Variants in OASL observed in about 807,000 individuals in gnomAD.
OASL encodes 2'-5'-oligoadenylate synthetase like.
In OASL, 28 loss-of-function variants were observed where a neutral mutation model predicts 35.3. The ratio of observed to expected loss-of-function variants is 0.79; its 90% CI spans 0.59 to 1.09. The LOEUF is 1.09. Ranked by LOEUF, OASL falls within the 50% of genes least tolerant of loss-of-function variation. The probability of loss-of-function intolerance (pLI) is 0.00; values close to 1 mark genes in which losing one functional copy is unlikely to be tolerated. For missense variants in OASL, 620 were observed against 635.2 expected (o/e 0.98, Z 0.26); for synonymous variants, 252 against 254.6 (o/e 0.99, Z 0.10).
chr12:121,027,805 T>C (rs765960323), exon 4 of OASL: 1 of 1,613,726 alleles, frequency 6.2e-7, no homozygotes, highest in East Asian at 2.2e-5. Flanking sequence ...CTGGGGGACC[T>C]GGCTTTCACA....
chr12:121,037,889 G>A (rs978611593), intron 1 of OASL, among the ~76,000 whole-genome samples: 7 of 152,008 alleles, frequency 4.6e-5, no homozygotes, highest in Admixed American at 3.3e-4. Flanking sequence ...CCAGGAGTTC[G>A]AGACCAGCAT....
rs775737673 is a variant in OASL at position 121,027,845 on chromosome 12, G to C, written c.658-28C>G. 1.9e-6 allele frequency: 3 copies of C among 1,587,514 alleles called. No individual in the cohort carries two copies. In the South Asian group the frequency reaches 3.3e-5, roughly 18 times the overall value. ...GTTGAAAGAGATGGGAAGACAGAGA[G>C]AGAGAGACCCTAAGATTCTGTGTAA... On this transcript the variant is annotated intron_variant, in intron 3 of 5. Coordinates refer to ENST00000257570, the Ensembl canonical transcript of OASL.
rs1592930568 is a variant in OASL at position 121,020,765 on chromosome 12, G to A, written c.1341C>T (p.Ala447=). The change falls in exon 6 of 6, where the codon GCC becomes GCT. Residue 447 remains alanine, a synonymous_variant. Coordinates refer to ENST00000257570, the Ensembl canonical transcript of OASL. ...TGAAGCTGTTGGGGTTGATGGCATA[G>A]GCGTAGCTCCCACCATCAGGATTCT... 9 of 1,614,106 alleles carry A rather than the reference G, an allele frequency of 5.6e-6. No individual in the cohort carries two copies. In the East Asian group the frequency reaches 1.6e-4, roughly 28 times the overall value.
At chr12:121,030,914 T>A (rs1006692077) in intron 3 of OASL, among the ~76,000 whole-genome samples, 2 of 151,986 alleles carry the variant, frequency 1.3e-5, no homozygotes, top group Non-Finnish European at 2.9e-5. Flanking sequence ...GGTGGGAGGA[T>A]CGCTTGAGAC....
At chr12:121,020,602 G>A in exon 6 of OASL, 1 of 1,611,572 alleles carries the variant, frequency 6.2e-7, no homozygotes, top group Non-Finnish European at 8.5e-7. Context: ...TTCTTCGAGA[G>A]GATGAGAGTG....
At chr12:121,033,792 G>C in intron 1 of OASL, 49 bp from the exon 2 acceptor site, 8 of 1,586,186 alleles carry the variant, frequency 5.0e-6, no homozygotes, top group Non-Finnish European at 6.9e-6. Context: ...CCATGAGCCA[G>C]GCAACCCCTG....
In OASL at chr12:121,020,970, A is replaced by T; in HGVS notation, c.1136T>A (p.Val379Asp). ...CCTGGTCCTCCGGATTTTCTCTTTA[A>T]CCTTCCTTATGGGCTCATAAGGGTT... Residue 379 changes from valine (V) to aspartate (D), a missense_variant, in exon 6 of 6, where the codon GTT becomes GAT. By Grantham distance (152) the Val-to-Asp change is radical. Coordinates refer to ENST00000257570, the Ensembl canonical transcript of OASL. 6.2e-7 allele frequency: 1 copy of T among 1,613,866 alleles called. No individual in the cohort carries two copies. Among genetic ancestry groups the T allele is most frequent in the Non-Finnish European group, 8.5e-7 (1 of 1,179,972 alleles).
intron 2 of OASL, among the ~76,000 whole-genome samples, chr12:121,032,149 C>T (rs1273165601): frequency 5.9e-5 from 9 of 152,066 alleles, no homozygotes; most frequent in South Asian, 4.1e-4. Flanking sequence ...GCCGAGATCA[C>T]GGCACTGCAC....
At chr12:121,027,347 G>A (rs553507770) in intron 4 of OASL, among the ~76,000 whole-genome samples, 2 of 152,172 alleles carry the variant, frequency 1.3e-5, no homozygotes, top group African/African-American at 4.8e-5. Flanking sequence ...TAAGGTGGAG[G>A]GTGGCTTAGG....
exon 6 of OASL, chr12:121,020,536 G>A (rs1869184423): frequency 1.9e-6 from 3 of 1,577,516 alleles, no homozygotes; most frequent in African/African-American, 2.7e-5. Flanking sequence ...TGGCAGAAAT[G>A]TACAGAGAAG....
At chr12:121,030,135 A>G (rs181050289) in intron 3 of OASL, among the ~76,000 whole-genome samples, 42 of 152,292 alleles carry the variant, frequency 2.8e-4, no homozygotes, top group Admixed American at 2.7e-3. Flanking sequence ...TCAGCCTCCT[A>G]AAGTGCTGAA....
intron 1 of OASL, among the ~76,000 whole-genome samples, chr12:121,034,732 G>T (rs938033434): frequency 6.6e-6 from 1 of 152,104 alleles, no homozygotes; most frequent in African/African-American, 2.4e-5. Flanking sequence ...TGAAAGTAAT[G>T]TTGGAACAAG....
chr12:121,026,194 G>C (rs1869477615), intron 4 of OASL, among the ~76,000 whole-genome samples: 1 of 152,328 alleles, frequency 6.6e-6, no homozygotes, highest in African/African-American at 2.4e-5. Context: ...GAGTGACAGA[G>C]AGAGAGAGGG....
At chr12:121,027,679 G>A in exon 4 of OASL, 1 of 1,614,206 alleles carries the variant, frequency 6.2e-7, no homozygotes, top group Non-Finnish European at 8.5e-7. Flanking sequence ...TCCAGGAGCA[G>A]GTCCATCACA....
At chr12:121,018,451 C>T (rs1379653333), downstream of OASL, among the ~76,000 whole-genome samples, 3 of 147,442 alleles carry the variant, frequency 2.0e-5, no homozygotes, top group East Asian at 2.2e-4. Context: ...GCCTTGGGAC[C>T]GGGCCCAAGG....
chr12:121,031,472 G>A, exon 3 of OASL: 1 of 1,613,866 alleles, frequency 6.2e-7, no homozygotes, highest in Non-Finnish European at 8.5e-7. Flanking sequence ...CCAGGCGCAG[G>A]AGGCTCTTCA....
chr12:121,030,306 A>G (rs995441908), intron 3 of OASL, among the ~76,000 whole-genome samples: 1 of 151,760 alleles, frequency 6.6e-6, no homozygotes, highest in Non-Finnish European at 1.5e-5. Context: ...CTGGGTTCAC[A>G]CCATTCTCCT....
chr12:121,032,172 G>A (rs1232992299), intron 2 of OASL, among the ~76,000 whole-genome samples: 2 of 151,586 alleles, frequency 1.3e-5, no homozygotes, highest in East Asian at 1.9e-4. Context: ...CAGCCTGGGC[G>A]ACAGAGCGAG....
intron 3 of OASL, among the ~76,000 whole-genome samples, chr12:121,028,321 G>C (rs1367866431): frequency 6.6e-6 from 1 of 152,160 alleles, no homozygotes; most frequent in Non-Finnish European, 1.5e-5. Context: ...GCAGCTCCAG[G>C]ATGGGCCCTG....
Sources: allele counts gnomAD v4.1 joint callset (sites outside exome capture counted in the v4.1 genomes callset), GRCh38; gene constraint gnomAD v4.1.1; transcripts MANE v1.5; gene names NCBI Gene and HGNC (gene_info 2026-07-23, HGNC 2026-07-21).